Variants in RBFOX1 observed in about 807,000 individuals in gnomAD.
RBFOX1 encodes RNA binding protein fox-1 homolog 1.
A neutral mutation model predicts 57.7 loss-of-function variants in RBFOX1; 8 were observed. That is an observed-to-expected ratio of 0.14 (90% CI 0.08 to 0.25). RBFOX1 has a LOEUF of 0.25. Ranked by LOEUF, RBFOX1 falls within the 10% of genes least tolerant of loss-of-function variation. RBFOX1 has a pLI of 1.00. For synonymous variants in RBFOX1, 326 were observed against 222.4 expected (o/e 1.47, Z -4.15); for missense variants, 611 against 548.5 (o/e 1.11, Z -1.14).
chr16:7,221,451 C>T (rs1268282124), intron 4 of RBFOX1, among the ~76,000 whole-genome samples: 9 of 151,986 alleles, frequency 5.9e-5, no homozygotes, highest in Non-Finnish European at 1.5e-5. Flanking sequence ...ACTGCAACCT[C>T]TCCCTCCCAG....
In RBFOX1 at chr16:6,656,555, C is replaced by T. The variant is rs140154862; in HGVS notation, c.-16+1905C>T. Among the ~76,000 whole-genome samples the T allele has an allele frequency of 3.2e-4, 49 of 151,462 alleles. 1 individual carries two copies. The East Asian group carries it at 9.6e-3, about 30-fold the overall frequency. ...TGGGAAAAAGTCATTAATGGTCATA[C>T]TGTGCATATGTGATTTCAGCTCTTC... On this transcript the variant is annotated intron_variant, in intron 3 of 15. Transcript: ENST00000550418.
chr16:7,062,686 A>G (rs2054757786), intron 4 of RBFOX1, among the ~76,000 whole-genome samples: 1 of 152,148 alleles, frequency 6.6e-6, no homozygotes, highest in Non-Finnish European at 1.5e-5. Context: ...AATATTGAGT[A>G]GGGTAATGCT....
At chr16:6,300,165 A>T (rs1402369066) in intron 1 of RBFOX1, among the ~76,000 whole-genome samples, 1 of 152,226 alleles carries the variant, frequency 6.6e-6, no homozygotes, top group Non-Finnish European at 1.5e-5. Context: ...CAGAGAGTAG[A>T]ATGGTGTTTA....
intron 4 of RBFOX1, among the ~76,000 whole-genome samples, chr16:7,208,158 A>G (rs899348498): frequency 6.6e-6 from 1 of 152,316 alleles, no homozygotes; most frequent in African/African-American, 2.4e-5. Flanking sequence ...TTTTGGAGGC[A>G]GGTATCTTAC....
intron 3 of RBFOX1, among the ~76,000 whole-genome samples, chr16:6,767,938 TAATAATAATAAGAAG>T (rs1207029176): frequency 0.013 from 1,085 of 84,686 alleles, 7 homozygotes; most frequent in East Asian, 0.033. Context: ...ATAATAATAA[TAATAATAATAAGAAG>T]AAGAAGAAGA....
At chr16:6,967,477 A>G (rs2084529088) in intron 3 of RBFOX1, among the ~76,000 whole-genome samples, 1 of 152,158 alleles carries the variant, frequency 6.6e-6, no homozygotes, top group African/African-American at 2.4e-5. Flanking sequence ...TGGATAGGAT[A>G]GGAGCAGTGG....
chr16:6,023,794 G>T (rs1036424386), intron 1 of RBFOX1, among the ~76,000 whole-genome samples: 1 of 152,108 alleles, frequency 6.6e-6, no homozygotes, highest in African/African-American at 2.4e-5. Flanking sequence ...GTGTCGTGCC[G>T]GAGACCTCAA....
intron 3 of RBFOX1, among the ~76,000 whole-genome samples, chr16:5,609,824 C>T (rs1253338097): frequency 7.2e-6 from 1 of 139,142 alleles, no homozygotes; most frequent in African/African-American, 2.7e-5. Flanking sequence ...GTTCTAGGAG[C>T]TGCGGAGAGG....
At chr16:6,705,481 C>T (rs2154145807) in intron 3 of RBFOX1, 1 of 152,288 alleles carries the variant, frequency 6.6e-6, no homozygotes, top group African/African-American at 2.4e-5. Flanking sequence ...GTTTAGAGGT[C>T]CTGGAAGCCA....
At chr16:7,218,098 C>G (rs565678569) in intron 4 of RBFOX1, among the ~76,000 whole-genome samples, 1 of 150,540 alleles carries the variant, frequency 6.6e-6, no homozygotes, top group South Asian at 2.1e-4. Flanking sequence ...TGTGTGTGTG[C>G]CCCTGAGTAG....
intron 4 of RBFOX1, among the ~76,000 whole-genome samples, chr16:7,135,788 C>G (rs1026932458): frequency 2.0e-5 from 3 of 152,222 alleles, no homozygotes; most frequent in African/African-American, 7.2e-5. Context: ...TGTAATTATT[C>G]TGAAGGCCTC....
intron 4 of RBFOX1, among the ~76,000 whole-genome samples, chr16:5,904,196 T>C (rs923170631): frequency 1.3e-5 from 2 of 152,124 alleles, no homozygotes; most frequent in African/African-American, 4.8e-5. Context: ...GATTAGATCC[T>C]GCCCGCTCAT....
chr16:7,595,968 G>T (rs1422663232), intron 8 of RBFOX1, among the ~76,000 whole-genome samples: 1 of 151,398 alleles, frequency 6.6e-6, no homozygotes, highest in African/African-American at 2.4e-5. Context: ...AGACAGTATT[G>T]CAAACCAAAC....
At chr16:6,925,422 G>C (rs2075388773) in intron 3 of RBFOX1, among the ~76,000 whole-genome samples, 1 of 151,460 alleles carries the variant, frequency 6.6e-6, no homozygotes, top group Admixed American at 6.6e-5. Context: ...ACTGCACCCA[G>C]CCTATCCTTT....
intron 14 of RBFOX1, among the ~76,000 whole-genome samples, chr16:7,702,794 G>A (rs1375140538): frequency 6.6e-6 from 1 of 152,188 alleles, no homozygotes. Flanking sequence ...CAACTCATTG[G>A]TAATGATACC....
intron 5 of RBFOX1, among the ~76,000 whole-genome samples, chr16:7,555,565 G>C (rs1467493128): frequency 6.6e-6 from 1 of 152,150 alleles, no homozygotes; most frequent in Non-Finnish European, 1.5e-5. Flanking sequence ...AGTTCTTAGA[G>C]CAGACTACAA....
At chr16:7,179,106 C>G (rs2082205051) in intron 4 of RBFOX1, among the ~76,000 whole-genome samples, 1 of 152,010 alleles carries the variant, frequency 6.6e-6, no homozygotes, top group Non-Finnish European at 1.5e-5. Context: ...TCGTTTTGGT[C>G]AGATCCCAGA....
chr16:6,962,347 C>A (rs117387293), intron 3 of RBFOX1, among the ~76,000 whole-genome samples: 1 of 152,106 alleles, frequency 6.6e-6, no homozygotes, highest in African/African-American at 2.4e-5. Flanking sequence ...CTGCAAAGAT[C>A]CTACACATTC....
At chr16:6,155,635 C>A (rs2096833012) in intron 1 of RBFOX1, among the ~76,000 whole-genome samples, 1 of 152,126 alleles carries the variant, frequency 6.6e-6, no homozygotes, top group African/African-American at 2.4e-5. Flanking sequence ...TCAAAGCAAA[C>A]CATTATGGGC....
Sources: allele counts gnomAD v4.1 joint callset (sites outside exome capture counted in the v4.1 genomes callset), GRCh38; gene constraint gnomAD v4.1.1; transcripts MANE v1.5; gene names NCBI Gene and HGNC (gene_info 2026-07-23, HGNC 2026-07-21).